Variants in ZGRF1 observed in about 807,000 individuals in gnomAD.
ZGRF1 encodes the protein zinc finger GRF-type containing 1, also known as 5'-3' DNA helicase ZGRF1.
In ZGRF1, 196 loss-of-function variants were observed where a neutral mutation model predicts 203.5. That is an observed-to-expected ratio of 0.96 (90% CI 0.86 to 1.08). ZGRF1 has a LOEUF of 1.08. Among genes scored for constraint, ZGRF1 ranks in the 50% least tolerant of loss-of-function variants. The pLI is 0.00. For missense variants in ZGRF1, 2,326 were observed against 2,416.3 expected, an observed-to-expected ratio of 0.96 and a Z score of 0.78; for synonymous variants, 809 against 841.3, an observed-to-expected ratio of 0.96 and a Z score of 0.66.
At chr4:112,565,369 G>A in intron 16 of ZGRF1, 2 of 1,046,288 alleles carry the variant, frequency 1.9e-6, no homozygotes, top group Non-Finnish European at 2.9e-6. Flanking sequence ...CATCCAGCTA[G>A]CATGCCACAT....
intron 15 of ZGRF1, 49 bp from the exon 16 acceptor site, chr4:112,581,851 G>GT: frequency 9.9e-7 from 1 of 1,013,142 alleles, no homozygotes; most frequent in Non-Finnish European, 1.3e-6. Context: ...TAAGATGCAA[G>GT]TTTTTTGAAA....
chr4:112,625,370 G>C (rs1198207752), intron 3 of ZGRF1, among the ~76,000 whole-genome samples: 1 of 149,814 alleles, frequency 6.7e-6, no homozygotes, highest in Non-Finnish European at 1.5e-5. Flanking sequence ...CGGATCACGA[G>C]GTCAGGAGAT....
intron 22 of ZGRF1, among the ~76,000 whole-genome samples, chr4:112,550,474 TATA>T (rs1015318576): frequency 2.0e-5 from 3 of 152,184 alleles, no homozygotes; most frequent in South Asian, 2.1e-4. Context: ...GTCAAAATGT[TATA>T]ATAAGCTAAA....
rs1741838220 is a variant in ZGRF1, at chr4:112,560,886, A to G, written c.4807T>C (p.Leu1603=). The change falls in exon 19 of 28, where the codon TTG becomes CTG. Residue 1603 remains leucine (L), a synonymous_variant. Transcript: ENST00000505019. ...KFELLSLGAT[L]KLASELIQVH... ...TGAATCAACTCACTAGCTAACTTCA[A>G]TGTTGCTCCTAGGCTGAGTAGTTCA... is the stretch of plus-strand genomic sequence containing the variant. 1.9e-6 allele frequency: 3 copies of G among 1,613,650 alleles called. No individual in the cohort carries two copies. Among genetic ancestry groups the G allele is most frequent in the Admixed American group, 1.7e-5 (1 of 59,962 alleles).
intron 10 of ZGRF1, among the ~76,000 whole-genome samples, chr4:112,590,728 C>T (rs1055561988): frequency 2.0e-5 from 3 of 151,868 alleles, no homozygotes; most frequent in Non-Finnish European, 4.4e-5. Context: ...GAGTTCGAGA[C>T]CAGGATGGGC....
At chr4:112,557,629 G>A (rs772978119) in intron 20 of ZGRF1, among the ~76,000 whole-genome samples, 2 of 152,232 alleles carry the variant, frequency 1.3e-5, no homozygotes, top group African/African-American at 2.4e-5. Context: ...GAGCATCCAG[G>A]TAGATGCCTG....
intron 10 of ZGRF1, among the ~76,000 whole-genome samples, chr4:112,595,706 A>G (rs766455738): frequency 2.6e-5 from 4 of 152,216 alleles, no homozygotes. Flanking sequence ...CTGGAGATCC[A>G]TTTCAAAACA....
At chr4:112,632,689 C>T (rs2047450525) in intron 2 of ZGRF1, among the ~76,000 whole-genome samples, 2 of 152,168 alleles carry the variant, frequency 1.3e-5, no homozygotes, top group Admixed American at 6.5e-5. Context: ...CATCAATAGA[C>T]GTAAGACCCT....
chr4:112,618,932 T>G lies in ZGRF1; in HGVS notation c.1110A>C (p.Lys370Asn). ...NSNLKDLSLQ[K>N]IIQFVETYAE... The stretch of plus-strand genomic sequence containing the variant: ...CATACGTTTCAACGAACTGTATAAT[T>G]TTTTGTAATGAAAGGTCTTTCAAAT... Residue 370 changes from lysine to asparagine, a missense_variant, in exon 6 of 28, where the codon AAA (lysine) becomes AAC (asparagine). Coordinates refer to ENST00000505019, the MANE Select transcript of ZGRF1 (RefSeq NM_018392.5). 1 of 1,613,986 alleles carries G rather than the reference T, an allele frequency of 6.2e-7. No homozygotes were observed. The highest frequency in any genetic ancestry group is 1.1e-5 in the South Asian group (1 of 91,056).
intron 9 of ZGRF1, among the ~76,000 whole-genome samples, chr4:112,605,157 C>T (rs1018806313): frequency 8.6e-5 from 13 of 151,170 alleles, no homozygotes; most frequent in African/African-American, 2.9e-4. Flanking sequence ...AGGTACATTA[C>T]CTCCCCCACT....
At chr4:112,541,369 T>G in intron 24 of ZGRF1, 101 bp from the exon 25 acceptor site, 1 of 522,558 alleles carries the variant, frequency 1.9e-6, no homozygotes. Flanking sequence ...TATTATGGTC[T>G]TAGGAGATGA....
At chr4:112,549,113 CAA>C (rs771730607) in intron 22 of ZGRF1, among the ~76,000 whole-genome samples, 8 of 16,808 alleles carry the variant, frequency 4.8e-4, no homozygotes, top group African/African-American at 5.0e-4. Flanking sequence ...GACTCCGTCT[CAA>C]AAAAAAAAAA....
At chr4:112,541,717 G>A (rs1333466801) in intron 24 of ZGRF1, among the ~76,000 whole-genome samples, 2 of 151,698 alleles carry the variant, frequency 1.3e-5, no homozygotes, top group African/African-American at 2.4e-5. Context: ...TTGTAGAGAC[G>A]GGGTTTCCCC....
intron 10 of ZGRF1, among the ~76,000 whole-genome samples, chr4:112,591,675 G>A (rs971230724): frequency 3.3e-5 from 5 of 152,008 alleles, no homozygotes; most frequent in Admixed American, 3.3e-4. Context: ...CTTTGCTCTT[G>A]CTATTCCCTG....
Position 112,585,571 on chromosome 4 carries a change from A to G in ZGRF1, c.4071T>C (p.Leu1357=). The change falls in exon 14 of 28, where the codon CTT becomes CTC. Residue 1357 remains leucine, a synonymous_variant. Transcript: ENST00000505019. ...TTGGACCTTCCTTTTTAACCATGAC[A>G]AGTTTTGCAGGTTGACTATGATGGC... ...PSCHHSQPAK[L]VMVKKEGPNK... 2.5e-6 allele frequency: 4 copies of G among 1,611,372 alleles called. No homozygotes were observed. The highest frequency in any genetic ancestry group is 3.4e-6 in the Non-Finnish European group (4 of 1,179,072).
rs1396738554 is a variant in ZGRF1, at chr4:112,627,469, G to A, written c.103-3593C>T. Among the ~76,000 whole-genome samples, 5 of 152,132 alleles carry A rather than the reference G, an allele frequency of 3.3e-5. No homozygotes were observed. The South Asian group carries it at 8.3e-4, about 25-fold the overall frequency. ...CTAAAATACAAATATAGCCGGGCACGGTGGCTCATGTCTGTAATCCCAGCA... is the reference window on the plus strand; with the variant it reads ...CTAAAATACAAATATAGCCGGGCACAGTGGCTCATGTCTGTAATCCCAGCA... On this transcript the variant is annotated intron_variant, in intron 3 of 27. Transcript: ENST00000505019.
At chr4:112,605,746 C>T in intron 9 of ZGRF1, 1 of 386,628 alleles carries the variant, frequency 2.6e-6, no homozygotes, top group East Asian at 6.0e-5. Context: ...GCTTTGTGTC[C>T]AACCCCTAGA....
chr4:112,586,585 T>C lies in ZGRF1; in HGVS notation c.3778-2A>G, dbSNP rs750870817. ...GCACAGCTCAGAGCCACTTATCTCC[T>C]GCAATGGAATAATTCAAGTTATCAT... On this transcript the variant is annotated splice_acceptor_variant, in intron 12 of 27. Coordinates refer to ENST00000505019, the MANE Select transcript of ZGRF1 (RefSeq NM_018392.5). LOFTEE classifies it high-confidence loss of function. 1.2e-5 allele frequency: 19 copies of C among 1,596,192 alleles called. No homozygotes were observed. The Admixed American group carries it at 1.2e-4, about 10-fold the overall frequency.
rs941401106 is a variant in ZGRF1 at position 112,548,338 on chromosome 4, A to G, written c.5389T>C (p.Cys1797Arg). Residue 1797 changes from cysteine (C) to arginine (R), a missense_variant, in exon 23 of 28, where the codon TGC becomes CGC. By Grantham distance (180) the Cys-to-Arg change is radical. Transcript: ENST00000505019. Reference sequence around the variant, plus strand: ...ACAGGAAATTTAAGATCATTCATGCATGGGAATGGGCAGGCTGCACAGGTA... The same window carrying G: ...ACAGGAAATTTAAGATCATTCATGCGTGGGAATGGGCAGGCTGCACAGGTA... ...GVTCAACPFPCMNDLKFPVVV... is the reference protein window; with the variant it reads ...GVTCAACPFPRMNDLKFPVVV... 6.4e-7 allele frequency: 1 copy of G among 1,555,000 alleles called. No homozygotes were observed. The highest frequency in any genetic ancestry group is 1.4e-5 in the African/African-American group (1 of 73,276).
Sources: gnomAD v4.1 joint callset for allele counts (sites outside exome capture counted in the v4.1 genomes callset) on GRCh38, gnomAD v4.1.1 for gene constraint, MANE v1.5 for transcripts, NCBI Gene and HGNC (gene_info 2026-07-23, HGNC 2026-07-21) for gene names.